CTNNA3: variants seen among roughly 807,000 people sequenced by gnomAD.
CTNNA3 encodes the protein catenin alpha-3.
CTNNA3 carries 76 observed loss-of-function variants against 95.7 expected under a neutral mutation model. That is an observed-to-expected ratio of 0.79 (90% CI 0.66 to 0.96). The LOEUF (loss-of-function observed/expected upper bound fraction) is 0.96, where lower values mean the gene tolerates loss of function less well. Among genes scored for constraint, CTNNA3 ranks in the 40% least tolerant of loss-of-function variants. The probability of loss-of-function intolerance (pLI) is 0.00; values close to 1 mark genes in which losing one functional copy is unlikely to be tolerated. For synonymous variants in CTNNA3, 431 were observed against 374.4 expected (o/e 1.15, Z -1.74); for missense variants, 1,191 against 1,089.8 (o/e 1.09, Z -1.31).
At position 67,596,714 on chromosome 10, in the gene CTNNA3, A is replaced by G. The variant is rs1349706178; in HGVS notation, c.292+10143T>C. Among the ~76,000 whole-genome samples, 5 of 152,146 alleles carry G rather than the reference A, an allele frequency of 3.3e-5. No homozygotes were observed. In the East Asian group the frequency reaches 7.7e-4, roughly 24 times the overall value. Reference sequence around the variant, plus strand: ...ATGCCTATAGTACTATTTCTTTGGCATTTGCCTTGGAGAATGATAATTATG... The same window carrying G: ...ATGCCTATAGTACTATTTCTTTGGCGTTTGCCTTGGAGAATGATAATTATG... On this transcript the variant is annotated intron_variant, in intron 3 of 17. Transcript: ENST00000433211.
rs141567945 is a variant in CTNNA3 at position 67,126,462 on chromosome 10, G to A, written c.1047+53855C>T. ...GAATCGCTTGATCCCGGGAGGCGGA[G>A]CCAAGATTGTGCCATTGCACTTGGC... On this transcript the variant is annotated intron_variant, in intron 7 of 17. Transcript: ENST00000433211. Among the ~76,000 whole-genome samples, 764 of 152,344 alleles carry A rather than the reference G, an allele frequency of 5.0e-3. 6 individuals are homozygous for A. The highest frequency in any genetic ancestry group is 0.017 in the African/African-American group (712 of 41,590).
At chr10:66,199,774 TA>T (rs2087211288) in intron 13 of CTNNA3, among the ~76,000 whole-genome samples, 2 of 7,624 alleles carry the variant, frequency 2.6e-4, no homozygotes, top group African/African-American at 4.1e-4. Flanking sequence ...GCTATATATA[TA>T]TATATATATA....
intron 5 of CTNNA3, among the ~76,000 whole-genome samples, chr10:67,386,364 T>C (rs1055735104): frequency 6.6e-6 from 1 of 152,174 alleles, no homozygotes; most frequent in Non-Finnish European, 1.5e-5. Flanking sequence ...TATACAGACA[T>C]TACATAACTC....
chr10:67,508,333 A>G (rs1246173599), intron 5 of CTNNA3, among the ~76,000 whole-genome samples: 5 of 152,152 alleles, frequency 3.3e-5, no homozygotes, highest in Non-Finnish European at 7.4e-5. Context: ...TTTCAACACA[A>G]TAAAGGCCGT....
intron 11 of CTNNA3, among the ~76,000 whole-genome samples, chr10:66,468,660 T>C (rs1204252252): frequency 6.6e-6 from 1 of 151,266 alleles, no homozygotes; most frequent in Non-Finnish European, 1.5e-5. Context: ...AAGTAATGTA[T>C]ATGTTTATTA....
intron 2 of CTNNA3, among the ~76,000 whole-genome samples, chr10:67,637,614 G>A (rs1014723480): frequency 6.6e-6 from 1 of 152,170 alleles, no homozygotes; most frequent in Non-Finnish European, 1.5e-5. Context: ...CAGCCAGAGA[G>A]AAAGGTCGGG....
chr10:66,758,339 T>C (rs903087087), intron 9 of CTNNA3, among the ~76,000 whole-genome samples: 1 of 152,080 alleles, frequency 6.6e-6, no homozygotes, highest in Non-Finnish European at 1.5e-5. Flanking sequence ...AAGACAAAAA[T>C]GGAATGAGGC....
At chr10:67,193,879 G>A (rs1429424337) in intron 6 of CTNNA3, among the ~76,000 whole-genome samples, 1 of 152,044 alleles carries the variant, frequency 6.6e-6, no homozygotes, top group Admixed American at 6.6e-5. Flanking sequence ...AGGTATTGAG[G>A]AATTGACACA....
At chr10:66,092,023 G>A (rs1162649819) in intron 14 of CTNNA3, among the ~76,000 whole-genome samples, 1 of 151,794 alleles carries the variant, frequency 6.6e-6, no homozygotes, top group Non-Finnish European at 1.5e-5. Flanking sequence ...TCTCCAGACT[G>A]CTCAATTCAG....
At chr10:66,903,091 C>T (rs1240789937) in intron 7 of CTNNA3, among the ~76,000 whole-genome samples, 2 of 152,128 alleles carry the variant, frequency 1.3e-5, no homozygotes, top group Non-Finnish European at 2.9e-5. Context: ...GAATTTTAGA[C>T]CAATATCCCT....
intron 7 of CTNNA3, among the ~76,000 whole-genome samples, chr10:66,827,769 A>T (rs1249722715): frequency 6.6e-6 from 1 of 152,212 alleles, no homozygotes; most frequent in African/African-American, 2.4e-5. Context: ...TATGTCTTTG[A>T]GCTCTTTGAA....
At chr10:66,378,106 C>A (rs1243382173) in intron 12 of CTNNA3, among the ~76,000 whole-genome samples, 2 of 152,114 alleles carry the variant, frequency 1.3e-5, no homozygotes, top group Non-Finnish European at 2.9e-5. Context: ...GCTTGCCTTG[C>A]AGCATAGCAC....
At chr10:65,971,571 G>C (rs2078103145) in intron 16 of CTNNA3, among the ~76,000 whole-genome samples, 1 of 151,764 alleles carries the variant, frequency 6.6e-6, no homozygotes, top group East Asian at 1.9e-4. Context: ...AGAAAATCTA[G>C]AGGAAAAGAT....
intron 4 of CTNNA3, among the ~76,000 whole-genome samples, chr10:67,523,674 T>C (rs923862210): frequency 3.3e-5 from 5 of 152,114 alleles, no homozygotes; most frequent in Non-Finnish European, 7.3e-5. Flanking sequence ...GGACAGGAAG[T>C]CTTTTAAGAG....
At chr10:66,126,743 A>T (rs1420228231) in intron 13 of CTNNA3, among the ~76,000 whole-genome samples, 2 of 152,232 alleles carry the variant, frequency 1.3e-5, no homozygotes. Flanking sequence ...AGCAATATGG[A>T]ATTCTAACCC....
At chr10:66,745,680 C>T (rs1028714324) in intron 9 of CTNNA3, among the ~76,000 whole-genome samples, 7 of 146,082 alleles carry the variant, frequency 4.8e-5, no homozygotes, top group Non-Finnish European at 9.0e-5. Context: ...AGCTCCACCT[C>T]CTGGGTTTAC....
chr10:67,000,551 A>AC lies in CTNNA3; in HGVS notation c.1047+179765dup, dbSNP rs1392900007. Reference sequence around the variant, plus strand: ...AAAATTACAACAAGCTAAAAATTACACCAATCACCTCCTCCAACCTCTGTA... The same window carrying AC: ...AAAATTACAACAAGCTAAAAATTACACCCAATCACCTCCTCCAACCTCTGTA... On this transcript the variant is annotated intron_variant, in intron 7 of 17. Coordinates refer to ENST00000433211, the MANE Select transcript of CTNNA3 (RefSeq NM_013266.4). Among the ~76,000 whole-genome samples, 5 of 152,256 alleles carry AC rather than the reference A, an allele frequency of 3.3e-5. 1 individual carries two copies. Among genetic ancestry groups the AC allele is most frequent in the African/African-American group, 1.2e-4 (5 of 41,556 alleles).
At chr10:66,939,044 C>A (rs540890609) in intron 7 of CTNNA3, among the ~76,000 whole-genome samples, 4 of 152,232 alleles carry the variant, frequency 2.6e-5, no homozygotes, top group African/African-American at 9.6e-5. Flanking sequence ...TCCTCTCTTA[C>A]CCACACCAAG....
intron 11 of CTNNA3, among the ~76,000 whole-genome samples, chr10:66,394,706 C>T (rs1301077705): frequency 6.6e-6 from 1 of 151,972 alleles, no homozygotes; most frequent in African/African-American, 2.4e-5. Flanking sequence ...ATGTTGAATG[C>T]CTCTGTTGCT....
Sources: gnomAD v4.1 joint callset for allele counts (sites outside exome capture counted in the v4.1 genomes callset) on GRCh38, gnomAD v4.1.1 for gene constraint, MANE v1.5 for transcripts, NCBI Gene and HGNC (gene_info 2026-07-23, HGNC 2026-07-21) for gene names.